Variants in RNLS observed in about 807,000 individuals in gnomAD.
The protein encoded by RNLS is renalase, FAD dependent amine oxidase.
Under a neutral mutation model 39.8 loss-of-function variants are expected in RNLS, and 39 were observed. That is an observed-to-expected ratio of 0.98 (90% CI 0.76 to 1.28). The LOEUF (loss-of-function observed/expected upper bound fraction) is 1.28, where lower values mean the gene tolerates loss of function less well. Ranked by LOEUF, RNLS falls within the 50% of genes most tolerant of loss-of-function variation. The pLI is 0.00. For missense variants in RNLS, 410 were observed against 413.3 expected (o/e 0.99, Z 0.07); for synonymous variants, 147 against 150.7 (o/e 0.98, Z 0.18).
the RNLS span, among the ~76,000 whole-genome samples, chr10:88,188,241 G>T: frequency 6.6e-6 from 1 of 152,092 alleles, no homozygotes; most frequent in Non-Finnish European, 1.5e-5. Flanking sequence ...ATTTTTAGTG[G>T]AGATGGGGTT....
chr10:88,362,551 C>A lies in RNLS; in HGVS notation c.700+1G>T, dbSNP rs1849719035. On this transcript the variant is annotated splice_donor_variant, in intron 5 of 6. Transcript: ENST00000331772. LOFTEE classifies it high-confidence loss of function. ...TTAAGGGAAATAATAGGGGTACTGA[C>A]CTATATTGCGCTTCTTATTATCAAT... The A allele has an allele frequency of 1.2e-6, 2 of 1,613,250 alleles. No homozygotes were observed. Among genetic ancestry groups the A allele is most frequent in the Non-Finnish European group, 1.7e-6 (2 of 1,179,594 alleles).
intron 4 of RNLS, among the ~76,000 whole-genome samples, chr10:88,525,963 G>A (rs539316249): frequency 3.3e-5 from 5 of 151,982 alleles, no homozygotes; most frequent in African/African-American, 1.2e-4. Flanking sequence ...AAAACTGGCC[G>A]AATGCCCACA....
chr10:88,325,698 G>T (rs369240250), intron 5 of RNLS, among the ~76,000 whole-genome samples: 1 of 152,120 alleles, frequency 6.6e-6, no homozygotes, highest in African/African-American at 2.4e-5. Context: ...ATCATAACAC[G>T]CATTTTTAAA....
chr10:88,572,736 C>T (rs1374145403), intron 4 of RNLS, among the ~76,000 whole-genome samples, 167 bp downstream of exon 4: 1 of 152,178 alleles, frequency 6.6e-6, no homozygotes, highest in Non-Finnish European at 1.5e-5. Flanking sequence ...TGGGTTTCAC[C>T]TTGGCCTAGA....
the RNLS span, among the ~76,000 whole-genome samples, chr10:88,182,598 G>A: frequency 3.3e-5 from 5 of 151,768 alleles, no homozygotes; most frequent in African/African-American, 9.7e-5. Flanking sequence ...GAAATTTAAC[G>A]TTACACTTAA....
intron 4 of RNLS, among the ~76,000 whole-genome samples, chr10:88,508,116 T>C (rs1449922666): frequency 2.6e-5 from 4 of 152,186 alleles, no homozygotes; most frequent in African/African-American, 9.6e-5. Context: ...TGTCTTCAGT[T>C]GCCAACTGTG....
chr10:88,378,048 G>GTCTTCCACCTCCCC (rs1296125650), intron 4 of RNLS, among the ~76,000 whole-genome samples: 1 of 151,536 alleles, frequency 6.6e-6, no homozygotes, highest in Admixed American at 6.6e-5. Flanking sequence ...GTATACACAG[G>GTCTTCCACCTCCCC]GTCAGGGTCG....
At chr10:88,190,212 G>A in the RNLS span, among the ~76,000 whole-genome samples, 1 of 152,196 alleles carries the variant, frequency 6.6e-6, no homozygotes, top group Non-Finnish European at 1.5e-5. Flanking sequence ...TTCAACTGGT[G>A]GTCTGCTGTG....
At chr10:88,509,453 AAAAAAG>A (rs1845975936) in intron 4 of RNLS, among the ~76,000 whole-genome samples, 1 of 149,476 alleles carries the variant, frequency 6.7e-6, no homozygotes, top group African/African-American at 2.5e-5. Flanking sequence ...AGAGAGAGAA[AAAAAAG>A]GAGAGAAGAG....
intron 4 of RNLS, among the ~76,000 whole-genome samples, chr10:88,383,477 T>G (rs1160045279): frequency 1.3e-5 from 2 of 152,160 alleles, no homozygotes; most frequent in Non-Finnish European, 2.9e-5. Flanking sequence ...CTTTCTACAT[T>G]TCCTGTGCTG....
intron 4 of RNLS, among the ~76,000 whole-genome samples, chr10:88,456,201 T>C (rs1245220709): frequency 6.6e-6 from 1 of 152,190 alleles, no homozygotes; most frequent in Non-Finnish European, 1.5e-5. Flanking sequence ...CTCCAAAGTA[T>C]CTAAGAAGGT....
chr10:88,453,363 A>G (rs1294782626), intron 4 of RNLS, among the ~76,000 whole-genome samples: 1 of 152,214 alleles, frequency 6.6e-6, no homozygotes, highest in African/African-American at 2.4e-5. Context: ...ACATCCAATG[A>G]CTGGGTGATA....
At chr10:88,458,087 A>G (rs1842736322) in intron 4 of RNLS, among the ~76,000 whole-genome samples, 1 of 152,192 alleles carries the variant, frequency 6.6e-6, no homozygotes, top group African/African-American at 2.4e-5. Flanking sequence ...TTCCTCTTCA[A>G]TGAACCTGTC....
At chr10:88,422,263 T>C (rs1355095410) in intron 4 of RNLS, among the ~76,000 whole-genome samples, 1 of 152,210 alleles carries the variant, frequency 6.6e-6, no homozygotes, top group African/African-American at 2.4e-5. Flanking sequence ...CACTGCCTTA[T>C]TCAGTGCACT....
chr10:88,302,255 G>C (rs1395121779), intron 6 of RNLS, among the ~76,000 whole-genome samples: 1 of 152,142 alleles, frequency 6.6e-6, no homozygotes, highest in Non-Finnish European at 1.5e-5. Flanking sequence ...GCACAAATAT[G>C]GGAGAAAAGT....
chr10:88,412,662 C>T (rs142835969), intron 4 of RNLS, among the ~76,000 whole-genome samples: 171 of 152,158 alleles, frequency 1.1e-3, no homozygotes, highest in African/African-American at 3.9e-3. Context: ...CCAGGAGGCT[C>T]GAGTCAGATG....
chr10:88,490,243 C>A (rs893627572), intron 4 of RNLS, among the ~76,000 whole-genome samples: 1 of 152,134 alleles, frequency 6.6e-6, no homozygotes, highest in Non-Finnish European at 1.5e-5. Context: ...TTTTGTAATA[C>A]GTGATTTATA....
At chr10:88,220,007 C>T in the RNLS span, among the ~76,000 whole-genome samples, 1 of 152,254 alleles carries the variant, frequency 6.6e-6, no homozygotes, top group Admixed American at 6.5e-5. Context: ...GCACACCTTC[C>T]CTGCTACTCC....
At chr10:88,178,388 G>A in the RNLS span, among the ~76,000 whole-genome samples, 46 of 152,278 alleles carry the variant, frequency 3.0e-4, no homozygotes, top group Admixed American at 6.5e-4. Flanking sequence ...CTGGAATAAT[G>A]CAGCCACATT....
Sources: allele counts gnomAD v4.1 joint callset (sites outside exome capture counted in the v4.1 genomes callset), GRCh38; gene constraint gnomAD v4.1.1; transcripts MANE v1.5; gene names NCBI Gene and HGNC (gene_info 2026-07-23, HGNC 2026-07-21).